The following BRCA2 variants were observed in gnomAD, a reference collection of about 807,000 sequenced individuals.
BRCA2 encodes the protein breast cancer type 2 susceptibility protein.
BRCA2 carries 203 observed loss-of-function variants against 276.7 expected under a neutral mutation model. The ratio of observed to expected loss-of-function variants is 0.73; its 90% CI spans 0.65 to 0.82. The LOEUF (loss-of-function observed/expected upper bound fraction) is 0.82, where lower values mean the gene tolerates loss of function less well. Among genes scored for constraint, BRCA2 ranks in the 40% least tolerant of loss-of-function variants. The pLI is 0.00. For synonymous variants in BRCA2, 1,289 were observed against 1,338.4 expected (o/e 0.96, Z 0.81); for missense variants, 3,920 against 3,915.0 (o/e 1.00, Z -0.03).
rs1060502453 is a variant in BRCA2 at position 32,337,510 on chromosome 13, C to T, written c.3155C>T (p.Ala1052Val). Residue 1052 changes from alanine (A) to valine (V), a missense_variant, in exon 11 of 27, where the codon GCA (alanine) becomes GTA (valine). This residue lies in a region of BRCA2 where 3,263 missense variants were observed against 3,156.9 expected (regional missense o/e 1.03). Coordinates refer to ENST00000380152, the MANE Select transcript of BRCA2 (RefSeq NM_000059.4). ...TGTGTTGAAATTGTAAATACCTTGG[C>T]ATTAGATAATCAAAAGAAACTGAGC... ...LACVEIVNTL[A>V]LDNQKKLSKP... 4 of 1,607,724 alleles carry T rather than the reference C, an allele frequency of 2.5e-6. No homozygotes were observed. The highest frequency in any genetic ancestry group is 3.4e-6 in the Non-Finnish European group (4 of 1,176,808).
chr13:32,346,579 A>G (rs1264814039), intron 12 of BRCA2, among the ~76,000 whole-genome samples: 1 of 152,094 alleles, frequency 6.6e-6, no homozygotes, highest in Non-Finnish European at 1.5e-5. Context: ...TTGAGTTATG[A>G]TGGTTAACAT....
At chr13:32,334,144 G>C (rs1029586111) in intron 10 of BRCA2, among the ~76,000 whole-genome samples, 3 of 152,120 alleles carry the variant, frequency 2.0e-5, no homozygotes, top group African/African-American at 4.8e-5. Context: ...CCCGTAATGG[G>C]ATTGCTGAGT....
rs773912287 is a variant in BRCA2, at chr13:32,398,809, C to A, written c.*39C>A. ...CGACAATAAATTATTGACGCTTAAC[C>A]TTTCCAGTTTATAAGACTGGAATAT... is the stretch of plus-strand genomic sequence containing the variant. On this transcript the variant is annotated 3_prime_UTR_variant, in exon 27 of 27. Transcript: ENST00000380152. 1.9e-6 allele frequency: 3 copies of A among 1,605,692 alleles called. No individual in the cohort carries two copies. The highest frequency in any genetic ancestry group is 2.2e-5 in the East Asian group (1 of 44,736).
At chr13:32,319,941 G>C (rs2072295636) in intron 3 of BRCA2, among the ~76,000 whole-genome samples, 1 of 152,164 alleles carries the variant, frequency 6.6e-6, no homozygotes, top group South Asian at 2.1e-4. Context: ...AATGAGAGTT[G>C]AGAAGAAAGA....
rs778371076 is a variant in BRCA2, at chr13:32,337,822, C to T, written c.3467C>T (p.Ser1156Phe). 1 of 1,614,030 alleles carries T rather than the reference C, an allele frequency of 6.2e-7. No homozygotes were observed. Among genetic ancestry groups the T allele is most frequent in the South Asian group, 1.1e-5 (1 of 91,080 alleles). Residue 1156 changes from serine to phenylalanine, a missense_variant, in exon 11 of 27, where the codon TCT (serine) becomes TTT (phenylalanine). Ser to Phe is a radical substitution (Grantham distance 155, BLOSUM62 -2). Transcript: ENST00000380152. ...ENQMTILKTT[S>F]EECRDADLHV... ...CAGATGACTATCTTAAAGACCACTT[C>T]TGAGGAATGCAGAGATGCTGATCTT...
intron 10 of BRCA2, among the ~76,000 whole-genome samples, chr13:32,333,729 G>A (rs536167534): frequency 6.6e-6 from 1 of 152,174 alleles, no homozygotes; most frequent in South Asian, 2.1e-4. Context: ...ATTAAGCCCA[G>A]CATGCATTAG....
At chr13:32,345,536 C>T (rs2072605313) in intron 12 of BRCA2, among the ~76,000 whole-genome samples, 1 of 151,952 alleles carries the variant, frequency 6.6e-6, no homozygotes, top group African/African-American at 2.4e-5. Context: ...AATAAAACTA[C>T]TAAGGAAAAT....
chr13:32,375,451 G>A (rs545277812), intron 20 of BRCA2: 6 of 424,352 alleles, frequency 1.4e-5, no homozygotes, highest in South Asian at 7.3e-5. Context: ...TGAAACACTA[G>A]TGTTCTTAAT....
In BRCA2 at chr13:32,397,062, C is replaced by T. The variant is rs752904457; in HGVS notation, c.9648+18C>T. 3 of 1,610,184 alleles carry T rather than the reference C, an allele frequency of 1.9e-6. No homozygotes were observed. The Admixed American group carries it at 5.0e-5, about 27-fold the overall frequency. On this transcript the variant is annotated intron_variant, in intron 26 of 26. Transcript: ENST00000380152. ...AGCTTCTGGTAAGTTAATGTAAACT[C>T]AAGGAATATTATAAGAAGTATATAT...
chr13:32,378,023 G>A (rs1317494395), intron 21 of BRCA2, among the ~76,000 whole-genome samples: 1 of 152,196 alleles, frequency 6.6e-6, no homozygotes, highest in Non-Finnish European at 1.5e-5. Context: ...TAAAACCTGT[G>A]AGTATACTTG....
intron 3 of BRCA2, among the ~76,000 whole-genome samples, chr13:32,322,893 G>C (rs1436184236): frequency 6.6e-6 from 1 of 152,278 alleles, no homozygotes; most frequent in South Asian, 2.1e-4. Context: ...TCACATACAG[G>C]TTTGTGTGTG....
Position 32,340,982 on chromosome 13 carries a change from A to C in BRCA2, c.6627A>C (p.Ile2209=), listed in dbSNP as rs147275663. ...TFSDVPVKTN[I]EVCSTYSKDS... ...CTGATGTTCCTGTGAAAACAAATAT[A>C]GAAGTTTGTTCTACTTACTCCAAAG... Residue 2209 remains isoleucine (I), a synonymous_variant, in exon 11 of 27, where the codon ATA becomes ATC. Coordinates refer to ENST00000380152, the MANE Select transcript of BRCA2 (RefSeq NM_000059.4). 6.2e-7 allele frequency: 1 copy of C among 1,608,740 alleles called. No individual in the cohort carries two copies. The highest frequency in any genetic ancestry group is 1.3e-5 in the African/African-American group (1 of 74,492).
intron 7 of BRCA2, among the ~76,000 whole-genome samples, chr13:32,327,386 G>A (rs564149674): frequency 1.3e-5 from 2 of 152,164 alleles, no homozygotes; most frequent in Admixed American, 6.5e-5. Flanking sequence ...GGCAGAGGGT[G>A]CAGTGAGCCG....
rs1222293782 is a variant in BRCA2 at position 32,399,395 on chromosome 13, A to G, written c.*625A>G. ...AATATGTTGGTTCTGCTATAGTTCC[A>G]TCCTGTTCAAAAGTCAGGATGAATA... is the stretch of plus-strand genomic sequence containing the variant. On this transcript the variant is annotated 3_prime_UTR_variant, in exon 27 of 27. Coordinates refer to ENST00000380152, the MANE Select transcript of BRCA2 (RefSeq NM_000059.4). 4 of 188,748 alleles carry G rather than the reference A, an allele frequency of 2.1e-5. No homozygotes were observed. The highest frequency in any genetic ancestry group is 1.7e-4 in the East Asian group (2 of 11,780). The allele number at this position is 188,748 out of a possible 1,614,324, so 11.7% of individuals were successfully genotyped here. A position where few individuals can be genotyped will look rare whatever the true frequency, so the allele number is the denominator to read the frequency against.
intron 26 of BRCA2, 116 bp downstream of exon 26, chr13:32,397,160 GGTT>G (rs1335385218): frequency 2.0e-5 from 25 of 1,228,886 alleles, no homozygotes; most frequent in African/African-American, 6.0e-5. Context: ...TAGAAAATGT[GGTT>G]GTTATGTGGC....
Position 32,333,050 on chromosome 13 carries a change from G to T in BRCA2, c.1572G>T (p.Met524Ile), listed in dbSNP as rs2137472762. The change falls in exon 10 of 27, where the codon ATG (methionine) becomes ATT (isoleucine). Residue 524 changes from methionine to isoleucine, a missense_variant. Coordinates refer to ENST00000380152, the MANE Select transcript of BRCA2 (RefSeq NM_000059.4). ...ETFNASFSGH[M>I]TDPNFKKETE... ...TCAATGCAAGTTTTTCAGGTCATAT[G>T]ACTGATCCAAACTTTAAAAAAGAAA... 1 of 1,608,724 alleles carries T rather than the reference G, an allele frequency of 6.2e-7. No individual in the cohort carries two copies. The highest frequency in any genetic ancestry group is 1.1e-5 in the South Asian group (1 of 89,450).
intron 24 of BRCA2, among the ~76,000 whole-genome samples, chr13:32,381,403 A>G (rs1566254147): frequency 6.6e-6 from 1 of 152,168 alleles, no homozygotes; most frequent in Admixed American, 6.5e-5. Context: ...AGAGAGAGGG[A>G]TGTAATTTTA....
chr13:32,330,650 G>A (rs2072382695), intron 8 of BRCA2, among the ~76,000 whole-genome samples: 1 of 152,156 alleles, frequency 6.6e-6, no homozygotes, highest in Non-Finnish European at 1.5e-5. Flanking sequence ...GAGCAAGATG[G>A]TGCAAGTTTT....
Position 32,338,422 on chromosome 13 carries a change from T to C in BRCA2, c.4067T>C (p.Leu1356Ser), listed in dbSNP as rs876660967. 2 of 1,606,860 alleles carry C rather than the reference T, an allele frequency of 1.2e-6. No individual in the cohort carries two copies. Among genetic ancestry groups the C allele is most frequent in the African/African-American group, 1.3e-5 (1 of 74,656 alleles). Residue 1356 changes from leucine (L) to serine (S), a missense_variant, in exon 11 of 27, where the codon TTG becomes TCG. Physicochemically the swap from Leu to Ser is moderately radical, Grantham distance 145. Transcript: ENST00000380152. ...TVCIHKDETD[L>S]LFTDQHNICL... ...TGTATTCATAAAGATGAAACGGACTTGCTATTTACTGATCAGCACAACATA... is the reference window on the plus strand; with the variant it reads ...TGTATTCATAAAGATGAAACGGACTCGCTATTTACTGATCAGCACAACATA...
Sources: allele counts gnomAD v4.1 joint callset (sites outside exome capture counted in the v4.1 genomes callset), GRCh38; gene constraint gnomAD v4.1.1; regional missense constraint gnomAD v4.1.1; transcripts MANE v1.5; gene names NCBI Gene and HGNC (gene_info 2026-07-23, HGNC 2026-07-21).